SARM1: variants seen among roughly 807,000 people sequenced by gnomAD.
SARM1 encodes NAD(+) hydrolase SARM1.
SARM1 carries 60 observed loss-of-function variants against 65.1 expected under a neutral mutation model. The ratio of observed to expected loss-of-function variants is 0.92; its 90% CI spans 0.75 to 1.14. SARM1 has a LOEUF of 1.14. Among genes scored for constraint, SARM1 ranks in the 50% most tolerant of loss-of-function variants. SARM1 has a pLI of 0.00. For synonymous variants in SARM1, 417 were observed against 465.4 expected (o/e 0.90, Z 1.34); for missense variants, 913 against 1,015.7 (o/e 0.90, Z 1.37).
intron 1 of SARM1, among the ~76,000 whole-genome samples, chr17:28,374,554 G>T (rs1376712696): frequency 6.6e-6 from 1 of 152,110 alleles, no homozygotes; most frequent in African/African-American, 2.4e-5. Context: ...AAAAGAAGGG[G>T]AGGGTCCCTG....
chr17:28,400,669 C>T lies in SARM1; in HGVS notation c.*4383C>T, dbSNP rs562411490. The T allele has an allele frequency of 6.2e-7, 1 of 1,613,518 alleles. No homozygotes were observed. Among genetic ancestry groups the T allele is most frequent in the African/African-American group, 1.3e-5 (1 of 75,014 alleles). The stretch of plus-strand genomic sequence containing the variant: ...CTCCCAGGAGGAAGGGGAACCCCTT[C>T]ATAAAGTTCAGAGTGGCTGGGTAGA... On this transcript the variant is annotated 3_prime_UTR_variant, in exon 9 of 9. Coordinates refer to ENST00000585482, the MANE Select transcript of SARM1 (RefSeq NM_015077.4).
chr17:28,377,994 G>A (rs1173067213), intron 1 of SARM1, among the ~76,000 whole-genome samples: 2 of 152,098 alleles, frequency 1.3e-5, no homozygotes, highest in African/African-American at 2.4e-5. Flanking sequence ...CACTGCGCCC[G>A]GCCATCTGTG....
chr17:28,401,749 C>T lies in SARM1; in HGVS notation c.*5463C>T, dbSNP rs2068199366. On this transcript the variant is annotated 3_prime_UTR_variant, in exon 9 of 9. Coordinates refer to ENST00000585482, the MANE Select transcript of SARM1 (RefSeq NM_015077.4). ...GATCCTGAGACCAGCTGCTTTTAAA[C>T]ACAGACGTAGGTTTGCATCCTAGCT... 6.6e-6 allele frequency: 1 copy of T among 152,396 alleles called. No homozygotes were observed. The highest frequency in any genetic ancestry group is 2.4e-5 in the African/African-American group (1 of 41,456). The allele number at this position is 152,396 out of a possible 1,614,324, so 9.4% of individuals were successfully genotyped here. A position where few individuals can be genotyped will look rare whatever the true frequency, so the allele number is the denominator to read the frequency against.
At chr17:28,392,817 G>T (rs1567810323) in intron 7 of SARM1, among the ~76,000 whole-genome samples, 1 of 152,174 alleles carries the variant, frequency 6.6e-6, no homozygotes, top group Non-Finnish European at 1.5e-5. Context: ...CCAGCAGATG[G>T]CAAAGAGGTG....
At position 28,381,204 on chromosome 17, in the gene SARM1, G is replaced by A; in HGVS notation, c.472G>A (p.Asp158Asn). ...LEQILVAENR[D>N]RVARIGLGVI... ...TCCCCTTCCACTTTCACTGGGCAGAGACCGCGTGGCGCGCATTGGGCTGGG... is the reference window on the plus strand; with the variant it reads ...TCCCCTTCCACTTTCACTGGGCAGAAACCGCGTGGCGCGCATTGGGCTGGG... The change falls in exon 2 of 9, where the codon GAC becomes AAC. Residue 158 changes from aspartate (D) to asparagine (N), a missense_variant and splice_region_variant. By Grantham distance (23) the Asp-to-Asn change is conservative. Coordinates refer to ENST00000585482, the MANE Select transcript of SARM1 (RefSeq NM_015077.4). The A allele has an allele frequency of 6.3e-7, 1 of 1,592,592 alleles. No homozygotes were observed. Among genetic ancestry groups the A allele is most frequent in the Non-Finnish European group, 8.5e-7 (1 of 1,169,786 alleles).
In SARM1 at chr17:28,400,147, A is replaced by T; in HGVS notation, c.*3861A>T. The T allele has an allele frequency of 8.6e-6, 2 of 233,326 alleles. No homozygotes were observed. Among genetic ancestry groups the T allele is most frequent in the Non-Finnish European group, 1.7e-5 (2 of 117,484 alleles). 14.5% of individuals were successfully genotyped at this position (233,326 alleles called of 1,614,324 possible). A position where few individuals can be genotyped will look rare whatever the true frequency, so the allele number is the denominator to read the frequency against. ...CGGGCTCAAGTGGTCCTCCTGCCTC[A>T]GCCTCCCACAGGATCGGGATTACAG... On this transcript the variant is annotated 3_prime_UTR_variant, in exon 9 of 9. Transcript: ENST00000585482.
At position 28,388,422 on chromosome 17, in the gene SARM1, G is replaced by T. The variant is rs35201495; in HGVS notation, c.1806G>T (p.Lys602Asn). The change falls in exon 7 of 9, where the codon AAG becomes AAT. Residue 602 changes from lysine to asparagine, a missense_variant. Lys to Asn is a moderately conservative substitution (Grantham distance 94, BLOSUM62 0). This residue lies in a region of SARM1 where 862 missense variants were observed against 952.1 expected (regional missense o/e 0.91). Transcript: ENST00000585482. ...FIDVEKLEAG[K>N]FEDKLIQSVM... ...ATGTGGAGAAGCTGGAAGCAGGCAA[G>T]TTCGAGGACAAACTCATCCAGAGTG... 20 of 1,613,892 alleles carry T rather than the reference G, an allele frequency of 1.2e-5. No homozygotes were observed. In the Admixed American group the frequency reaches 2.8e-4, roughly 23 times the overall value.
intron 1 of SARM1, among the ~76,000 whole-genome samples, chr17:28,380,140 T>C (rs1268243814): frequency 1.3e-5 from 2 of 149,706 alleles, no homozygotes; most frequent in Admixed American, 6.7e-5. Flanking sequence ...CAGGATGGTC[T>C]CAAGTGAGCC....
rs1555587945 is a variant in SARM1, at chr17:28,396,248, A to G, written c.2137A>G (p.Thr713Ala). Residue 713 changes from threonine (T) to alanine (A), a missense_variant, in exon 9 of 9, where the codon ACC (threonine) becomes GCC (alanine). Physicochemically the swap from Thr to Ala is moderately conservative, Grantham distance 58 (BLOSUM62 0). Coordinates refer to ENST00000585482, the MANE Select transcript of SARM1 (RefSeq NM_015077.4). ...SSRDSSAGSD[T>A]SLEGAAPMGP... The stretch of plus-strand genomic sequence containing the variant: ...CCGGGACTCATCTGCAGGCTCTGAC[A>G]CCAGTTTGGAGGGTGCTGCACCCAT... 4.3e-6 allele frequency: 7 copies of G among 1,613,944 alleles called. No individual in the cohort carries two copies. The highest frequency in any genetic ancestry group is 1.1e-5 in the South Asian group (1 of 91,074).
intron 7 of SARM1, among the ~76,000 whole-genome samples, chr17:28,393,047 C>A (rs1055187890): frequency 7.2e-5 from 11 of 152,080 alleles, no homozygotes; most frequent in African/African-American, 2.7e-4. Context: ...TTAATGGAAC[C>A]CGATTACTAG....
Position 28,402,476 on chromosome 17 carries a change from G to A in SARM1, c.*6190G>A. On this transcript the variant is annotated 3_prime_UTR_variant, in exon 9 of 9. Transcript: ENST00000585482. ...TGAGGGTGGGAAGACAGTAGTCAAG[G>A]AGGAATGGAGACTGCCCTTGTCTGG... 1.7e-6 allele frequency: 1 copy of A among 605,422 alleles called. No homozygotes were observed. Among genetic ancestry groups the A allele is most frequent in the South Asian group, 2.1e-5 (1 of 47,752 alleles). 37.5% of individuals were successfully genotyped at this position (605,422 alleles called of 1,614,324 possible). A position where few individuals can be genotyped will look rare whatever the true frequency, so the allele number is the denominator to read the frequency against.
At position 28,379,721 on chromosome 17, in the gene SARM1, T is replaced by G. The variant is rs542642880; in HGVS notation, c.471-1482T>G. Among the ~76,000 whole-genome samples the G allele has an allele frequency of 4.6e-5, 7 of 152,280 alleles. No homozygotes were observed. In the South Asian group the frequency reaches 1.5e-3, roughly 32 times the overall value. On this transcript the variant is annotated intron_variant, in intron 1 of 8. Transcript: ENST00000585482. ...ATTAAATGCCCTGAAGACAATAAAA[T>G]AAGGTAATGAGTTAGAAAGTGATGG...
intron 1 of SARM1, among the ~76,000 whole-genome samples, chr17:28,379,337 G>A (rs71372374): frequency 1.7e-5 from 2 of 119,902 alleles, no homozygotes; most frequent in Admixed American, 1.0e-4. Context: ...TTGAGACGGA[G>A]TCTCGCTCTG....
At position 28,372,846 on chromosome 17, in the gene SARM1, C is replaced by G. The variant is rs2067966529; in HGVS notation, c.470+344C>G. ...CCCCGCCCCCCAAGCCCACAGCTCTCCTTCCCACCGGCTTGGGTTCCCGTC... is the reference window on the plus strand; with the variant it reads ...CCCCGCCCCCCAAGCCCACAGCTCTGCTTCCCACCGGCTTGGGTTCCCGTC... On this transcript the variant is annotated intron_variant, in intron 1 of 8. Coordinates refer to ENST00000585482, the MANE Select transcript of SARM1 (RefSeq NM_015077.4). The surrounding 1 kb of genome is among the most constrained non-coding windows in gnomAD (Gnocchi z 5.2). Among the ~76,000 whole-genome samples, 1 of 152,158 alleles carries G rather than the reference C, an allele frequency of 6.6e-6. No individual in the cohort carries two copies. The highest frequency in any genetic ancestry group is 6.5e-5 in the Admixed American group (1 of 15,276).
rs1379156903 is a variant in SARM1, at chr17:28,384,814, TC to T, written c.1303-23del. Reference sequence around the variant, plus strand: ...TCCAAGGGCGGAGTAGCGAAGCCCTTCCTGACACCCGACTCCTCCCCCAGGA... The same window carrying T: ...TCCAAGGGCGGAGTAGCGAAGCCCTTCTGACACCCGACTCCTCCCCCAGGA... On this transcript the variant is annotated intron_variant, in intron 3 of 8. Transcript: ENST00000585482. The surrounding 1 kb of genome is among the most constrained non-coding windows in gnomAD (Gnocchi z 4.4). 1.3e-6 allele frequency: 2 copies of T among 1,549,054 alleles called. No individual in the cohort carries two copies. The highest frequency in any genetic ancestry group is 2.7e-5 in the African/African-American group (2 of 72,936).
At position 28,399,472 on chromosome 17, in the gene SARM1, C is replaced by T; in HGVS notation, c.*3186C>T. Reference sequence around the variant, plus strand: ...GTGGGTTATGATTCTAGATCCTAGACAGAGGCTGGGTCAGCTGTGGATGGG... The same window carrying T: ...GTGGGTTATGATTCTAGATCCTAGATAGAGGCTGGGTCAGCTGTGGATGGG... On this transcript the variant is annotated 3_prime_UTR_variant, in exon 9 of 9. Transcript: ENST00000585482. The T allele has an allele frequency of 1.6e-6, 1 of 622,822 alleles. No individual in the cohort carries two copies. Among genetic ancestry groups the T allele is most frequent in the Non-Finnish European group, 2.8e-6 (1 of 351,504 alleles). The allele number at this position is 622,822 out of a possible 1,614,324, so 38.6% of individuals were successfully genotyped here. A position where few individuals can be genotyped will look rare whatever the true frequency, so the allele number is the denominator to read the frequency against.
rs1555590078 is a variant in SARM1, at chr17:28,403,456, A to G, written c.*7170A>G. ...CTCCTACAGGACAGTGGATCCTCCA[A>G]AGAAGGTATACGATGAGGCATCCAG... On this transcript the variant is annotated 3_prime_UTR_variant, in exon 9 of 9. Transcript: ENST00000585482. The G allele has an allele frequency of 6.6e-6, 1 of 152,322 alleles. No homozygotes were observed. The highest frequency in any genetic ancestry group is 2.4e-5 in the African/African-American group (1 of 41,410). The allele number at this position is 152,322 out of a possible 1,614,324, so 9.4% of individuals were successfully genotyped here. A position where few individuals can be genotyped will look rare whatever the true frequency, so the allele number is the denominator to read the frequency against.
chr17:28,394,108 G>A lies in SARM1; in HGVS notation c.1924-1797G>A, dbSNP rs188618804. On this transcript the variant is annotated intron_variant, in intron 7 of 8. Transcript: ENST00000585482. ...CCACATAGGGTCTCACAGGCCACAT[G>A]AAGGAGTTTGGACTTTATTCTAAGA... is the stretch of plus-strand genomic sequence containing the variant. Among the ~76,000 whole-genome samples, 50 of 152,368 alleles carry A rather than the reference G, an allele frequency of 3.3e-4. No homozygotes were observed. In the East Asian group the frequency reaches 4.8e-3, roughly 15 times the overall value.
At chr17:28,381,920 C>A in intron 2 of SARM1, 99 bp downstream of exon 2, 1 of 1,321,812 alleles carries the variant, frequency 7.6e-7, no homozygotes. Flanking sequence ...AAATACACAT[C>A]AGAATTAGAT....
Sources: allele counts gnomAD v4.1 joint callset (sites outside exome capture counted in the v4.1 genomes callset), GRCh38; gene constraint gnomAD v4.1.1; regional missense constraint gnomAD v4.1.1; non-coding constraint Gnocchi (gnomAD v3.1); transcripts MANE v1.5; gene names NCBI Gene and HGNC (gene_info 2026-07-23, HGNC 2026-07-21).